Variants in WDPCP observed in about 807,000 individuals in gnomAD.
The protein encoded by WDPCP is WD repeat containing planar cell polarity effector.
WDPCP carries 71 observed loss-of-function variants against 93.1 expected under a neutral mutation model. That is an observed-to-expected ratio of 0.76 (90% CI 0.63 to 0.93). The LOEUF (loss-of-function observed/expected upper bound fraction) is 0.93, where lower values mean the gene tolerates loss of function less well. Ranked by LOEUF, WDPCP falls within the 40% of genes least tolerant of loss-of-function variation. The pLI, the probability that WDPCP is intolerant of heterozygous loss-of-function variation, is 0.00. For synonymous variants in WDPCP, 315 were observed against 315.0 expected, an observed-to-expected ratio of 1.00 and a Z score of 0.00; for missense variants, 844 against 887.4, an observed-to-expected ratio of 0.95 and a Z score of 0.62.
In WDPCP at chr2:63,765,206, A is replaced by C. The variant is rs1033708010; in HGVS notation, n.308+48416T>G. Among the ~76,000 whole-genome samples, 11 of 152,198 alleles carry C rather than the reference A, an allele frequency of 7.2e-5. No homozygotes were observed. In the South Asian group the frequency reaches 1.0e-3, roughly 14 times the overall value. On this transcript the variant is annotated intron_variant and non_coding_transcript_variant, in intron 2 of 4. Coordinates refer to the WDPCP transcript ENST00000467687. The stretch of plus-strand genomic sequence containing the variant: ...CGGCAGTGTTTAATGGCAGAACTCT[A>C]ACCCAGTCTGGAAAGACAGGGAAGA...
At position 63,145,829 on chromosome 2, in the gene WDPCP, C is replaced by T. The variant is rs554676248; in HGVS notation, c.2190+7085G>A. Among the ~76,000 whole-genome samples the T allele has an allele frequency of 2.0e-5, 3 of 152,258 alleles. No homozygotes were observed. In the South Asian group the frequency reaches 6.2e-4, roughly 32 times the overall value. Reference sequence around the variant, plus strand: ...GCCATTTTAACAATATTGATTCTTCCTGTTCATGAGCATGGAATGTTTTTC... The same window carrying T: ...GCCATTTTAACAATATTGATTCTTCTTGTTCATGAGCATGGAATGTTTTTC... On this transcript the variant is annotated intron_variant, in intron 17 of 17. Coordinates refer to ENST00000272321, the MANE Select transcript of WDPCP (RefSeq NM_015910.7).
At chr2:63,772,401 C>A (rs1017826938) in intron 2 of WDPCP, among the ~76,000 whole-genome samples, 1 of 151,854 alleles carries the variant, frequency 6.6e-6, no homozygotes, top group Non-Finnish European at 1.5e-5. Context: ...TGAATTATTC[C>A]TTATAGATTC....
intron 3 of WDPCP, among the ~76,000 whole-genome samples, chr2:63,611,870 G>A (rs1249323351): frequency 3.3e-5 from 5 of 152,142 alleles, no homozygotes; most frequent in African/African-American, 9.7e-5. Context: ...GAATAGACTC[G>A]TATTCTAAAT....
chr2:63,720,432 C>CAAAA (rs1669399333), intron 2 of WDPCP, among the ~76,000 whole-genome samples: 1 of 143,704 alleles, frequency 7.0e-6, no homozygotes. Flanking sequence ...AAAAAAAAAA[C>CAAAA]AAAACAAAAC....
At chr2:63,774,086 A>T (rs1670268898) in intron 2 of WDPCP, among the ~76,000 whole-genome samples, 1 of 152,174 alleles carries the variant, frequency 6.6e-6, no homozygotes, top group Non-Finnish European at 1.5e-5. Flanking sequence ...TAAGAAAAAT[A>T]TGCCATGGCT....
intron 2 of WDPCP, among the ~76,000 whole-genome samples, chr2:63,673,010 C>A (rs1710362818): frequency 6.6e-6 from 1 of 152,258 alleles, no homozygotes; most frequent in Admixed American, 6.5e-5. Context: ...GCCTCAGCCT[C>A]CCAAAGTGCT....
At chr2:63,575,467 G>GCGCTGTATATA (rs1707964328) in intron 1 of WDPCP, among the ~76,000 whole-genome samples, 2 of 6,842 alleles carry the variant, frequency 2.9e-4, no homozygotes, top group South Asian at 0.012. Flanking sequence ...CAGTATATAT[G>GCGCTGTATATA]CAGTATATAC....
At chr2:63,183,223 G>C (rs965673151) in intron 14 of WDPCP, among the ~76,000 whole-genome samples, 2 of 151,630 alleles carry the variant, frequency 1.3e-5, no homozygotes, top group African/African-American at 2.4e-5. Context: ...TGTGATGTTA[G>C]GTTGTTAATT....
At chr2:63,839,681 C>T in the WDPCP span, among the ~76,000 whole-genome samples, 1 of 152,224 alleles carries the variant, frequency 6.6e-6, no homozygotes, top group Non-Finnish European at 1.5e-5. Context: ...GGTACTAATG[C>T]TCATTGGTAA....
intron 15 of WDPCP, among the ~76,000 whole-genome samples, chr2:63,172,072 A>G (rs941202247): frequency 2.0e-5 from 3 of 152,210 alleles, no homozygotes; most frequent in Admixed American, 6.5e-5. Flanking sequence ...TAAGGGAACT[A>G]TTTGGGGGTG....
At chr2:63,306,416 C>T (rs1228646843) in intron 13 of WDPCP, among the ~76,000 whole-genome samples, 3 of 152,118 alleles carry the variant, frequency 2.0e-5, no homozygotes, top group Non-Finnish European at 4.4e-5. Flanking sequence ...CTGATTCCAA[C>T]ACCTGGCAGA....
At chr2:63,693,715 A>G (rs1668923741) in intron 2 of WDPCP, among the ~76,000 whole-genome samples, 1 of 152,294 alleles carries the variant, frequency 6.6e-6, no homozygotes, top group Admixed American at 6.5e-5. Context: ...TAGGAATGCT[A>G]GAGACTACAA....
chr2:63,778,487 G>A (rs925059020), intron 2 of WDPCP, among the ~76,000 whole-genome samples: 11 of 151,880 alleles, frequency 7.2e-5, no homozygotes, highest in African/African-American at 1.9e-4. Context: ...GATTACAGGC[G>A]TGAGCCACTG....
Position 63,120,539 on chromosome 2 carries a change from T to C in WDPCP, c.*1467A>G, listed in dbSNP as rs941703939. ...GATGTCTATAATTTTTTTTTTTTTT[T>C]TTTTTGCAACGGAGTCTTACTTTGT... is the stretch of plus-strand genomic sequence containing the variant. On this transcript the variant is annotated 3_prime_UTR_variant, in exon 18 of 18. Transcript: ENST00000272321. Among the ~76,000 whole-genome samples, 16 of 149,528 alleles carry C rather than the reference T, an allele frequency of 1.1e-4. No homozygotes were observed. The East Asian group carries it at 2.9e-3, about 27-fold the overall frequency.
chr2:63,667,767 T>TC (rs1710300545), intron 2 of WDPCP, among the ~76,000 whole-genome samples: 1 of 6,880 alleles, frequency 1.5e-4, no homozygotes, highest in African/African-American at 2.0e-3. Flanking sequence ...TAGCTAATAC[T>TC]TGCTGCACCC....
chr2:63,183,033 T>C (rs1674371181), intron 14 of WDPCP, among the ~76,000 whole-genome samples: 1 of 151,922 alleles, frequency 6.6e-6, no homozygotes, highest in Non-Finnish European at 1.5e-5. Flanking sequence ...CTGTCTTCTT[T>C]TCTTGATTAG....
At chr2:63,410,807 A>G (rs891727211) in intron 9 of WDPCP, among the ~76,000 whole-genome samples, 2 of 152,252 alleles carry the variant, frequency 1.3e-5, no homozygotes, top group African/African-American at 4.8e-5. Context: ...GGGACACTAT[A>G]TAATGGTAAA....
intron 2 of WDPCP, among the ~76,000 whole-genome samples, chr2:63,759,768 G>A (rs1670027928): frequency 1.3e-5 from 2 of 152,320 alleles, no homozygotes; most frequent in South Asian, 2.1e-4. Context: ...CCTTCTCACC[G>A]GCCTGCTGCC....
intron 13 of WDPCP, among the ~76,000 whole-genome samples, chr2:63,294,316 C>G (rs1277223433): frequency 9.6e-3 from 1 of 104 alleles, no homozygotes; most frequent in Non-Finnish European, 0.017. Flanking sequence ...CCAGTCTGGC[C>G]AACAGGGGAA....
Sources: allele counts gnomAD v4.1 joint callset (sites outside exome capture counted in the v4.1 genomes callset), GRCh38; gene constraint gnomAD v4.1.1; transcripts MANE v1.5; gene names NCBI Gene and HGNC (gene_info 2026-07-23, HGNC 2026-07-21).